Variants in MAGI2 observed in about 807,000 individuals in gnomAD.
The protein encoded by MAGI2 is membrane associated guanylate kinase, WW and PDZ domain containing 2, also known as membrane-associated guanylate kinase, WW and PDZ domain-containing protein 2.
MAGI2 carries 35 observed loss-of-function variants against 133.3 expected under a neutral mutation model. The observed-to-expected ratio is 0.26, with a 90% CI of 0.20 to 0.35. MAGI2 has a LOEUF of 0.35. Among genes scored for constraint, MAGI2 ranks in the 10% least tolerant of loss-of-function variants. The pLI is 1.00. For missense variants in MAGI2, 1,636 were observed against 1,863.4 expected (o/e 0.88, Z 2.25); for synonymous variants, 729 against 710.6 (o/e 1.03, Z -0.41).
In MAGI2 at chr7:79,286,024, C is replaced by A. The variant is rs910483124; in HGVS notation, c.301+166996G>T. On this transcript the variant is annotated intron_variant, in intron 1 of 21. Transcript: ENST00000354212. ...CTACTGGGGAAGATGGTCAATTAAG[C>A]AGAAACTATAAGGCTGATCTGGAAG... Among the ~76,000 whole-genome samples the A allele has an allele frequency of 5.1e-4, 78 of 151,970 alleles. 1 individual carries two copies. The highest frequency in any genetic ancestry group is 5.1e-3 in the Admixed American group (78 of 15,222).
At chr7:78,461,839 A>G (rs533503711) in intron 6 of MAGI2, among the ~76,000 whole-genome samples, 2 of 136,356 alleles carry the variant, frequency 1.5e-5, no homozygotes, top group South Asian at 5.2e-4. Context: ...TGAACCCAGG[A>G]GGCAGAAGTT....
chr7:78,903,262 T>C (rs375279145), intron 2 of MAGI2, among the ~76,000 whole-genome samples: 45 of 132,504 alleles, frequency 3.4e-4, no homozygotes, highest in African/African-American at 7.2e-4. Context: ...GGCGCTGTCT[T>C]GGCTCACCGC....
At chr7:78,733,117 TAC>T (rs1585228268) in intron 2 of MAGI2, among the ~76,000 whole-genome samples, 1 of 152,068 alleles carries the variant, frequency 6.6e-6, no homozygotes, top group Non-Finnish European at 1.5e-5. Flanking sequence ...AAGGAAAAGG[TAC>T]AGAGTACATG....
intron 6 of MAGI2, among the ~76,000 whole-genome samples, chr7:78,455,356 T>C (rs1252504998): frequency 2.0e-5 from 3 of 152,128 alleles, no homozygotes. Flanking sequence ...AAATATTGAT[T>C]CTGTCATTTT....
intron 6 of MAGI2, chr7:78,484,055 A>G (rs1792709732): frequency 6.6e-6 from 1 of 151,970 alleles, no homozygotes. Flanking sequence ...AATTATCAAA[A>G]CAAATTTAAT....
At chr7:78,603,802 T>G (rs1202564872) in intron 3 of MAGI2, among the ~76,000 whole-genome samples, 1 of 152,172 alleles carries the variant, frequency 6.6e-6, no homozygotes, top group African/African-American at 2.4e-5. Context: ...ATTACAGGTG[T>G]GAGTCACCCC....
chr7:79,253,997 CAA>C (rs1833509865), intron 1 of MAGI2, among the ~76,000 whole-genome samples: 1 of 151,502 alleles, frequency 6.6e-6, no homozygotes, highest in African/African-American at 2.4e-5. Flanking sequence ...CAAAACAAAA[CAA>C]AACAAAACAA....
intron 1 of MAGI2, among the ~76,000 whole-genome samples, chr7:79,052,921 G>T (rs562603094): frequency 6.6e-4 from 100 of 152,182 alleles, no homozygotes; most frequent in Non-Finnish European, 4.4e-5. Flanking sequence ...CTTTAATATA[G>T]TTGAAATGAA....
At chr7:78,383,509 T>C (rs1795112359) in intron 6 of MAGI2, among the ~76,000 whole-genome samples, 1 of 152,282 alleles carries the variant, frequency 6.6e-6, no homozygotes, top group East Asian at 1.9e-4. Context: ...ATTGGTACCA[T>C]GTTGGATGAA....
chr7:78,534,017 A>G (rs1797684051), intron 3 of MAGI2, among the ~76,000 whole-genome samples: 1 of 152,202 alleles, frequency 6.6e-6, no homozygotes, highest in South Asian at 2.1e-4. Flanking sequence ...ACATCTAATC[A>G]TCTTGTCATT....
chr7:78,254,971 TG>T (rs1269398147), intron 10 of MAGI2: 1 of 152,282 alleles, frequency 6.6e-6, no homozygotes, highest in African/African-American at 2.4e-5. Flanking sequence ...ACAGATGACA[TG>T]GCTGAGGCTC....
At chr7:78,781,490 A>G (rs890211115) in intron 2 of MAGI2, among the ~76,000 whole-genome samples, 39 of 152,160 alleles carry the variant, frequency 2.6e-4, no homozygotes, top group African/African-American at 8.7e-4. Flanking sequence ...ATGTGCAGAA[A>G]TTTCTCCCCA....
chr7:79,269,542 A>C (rs767783907), intron 1 of MAGI2, among the ~76,000 whole-genome samples: 18 of 152,230 alleles, frequency 1.2e-4, no homozygotes, highest in Non-Finnish European at 2.2e-4. Context: ...ACCTTTTCAA[A>C]ATAAAAATCA....
rs527455254 is a variant in MAGI2 at position 78,387,857 on chromosome 7, C to T, written c.1046-18644G>A. ...GGGAGGAGCGCTTAAGCCCAGGAGG[C>T]GGAGGTTGCAGTGATCCCAGATCAC... On this transcript the variant is annotated intron_variant, in intron 6 of 21. Transcript: ENST00000354212. 6.6e-5 allele frequency among the ~76,000 whole-genome samples: 10 copies of T among 151,966 alleles called. No individual in the cohort carries two copies. The East Asian group carries it at 1.2e-3, about 18-fold the overall frequency.
At chr7:79,274,829 CT>C (rs1334145562) in intron 1 of MAGI2, among the ~76,000 whole-genome samples, 7 of 152,052 alleles carry the variant, frequency 4.6e-5, no homozygotes, top group Non-Finnish European at 7.4e-5. Context: ...ATATTTCAAA[CT>C]TTTTTGTTAT....
chr7:78,069,759 A>C (rs1312973414), intron 21 of MAGI2, among the ~76,000 whole-genome samples: 2 of 152,106 alleles, frequency 1.3e-5, no homozygotes, highest in Non-Finnish European at 2.9e-5. Context: ...TAGTTCTTAC[A>C]GTATTCAGCA....
At chr7:78,341,063 G>A (rs1031711276) in intron 9 of MAGI2, among the ~76,000 whole-genome samples, 4 of 152,120 alleles carry the variant, frequency 2.6e-5, no homozygotes, top group East Asian at 1.9e-4. Context: ...AAACCCCATC[G>A]TCTCAGCCCA....
chr7:78,289,739 C>T (rs1279576110), intron 9 of MAGI2, among the ~76,000 whole-genome samples: 4 of 152,214 alleles, frequency 2.6e-5, no homozygotes, highest in South Asian at 2.1e-4. Flanking sequence ...GGAAGCCCGT[C>T]AGACTAACAG....
chr7:79,222,412 T>A (rs1830507842), intron 1 of MAGI2, among the ~76,000 whole-genome samples: 1 of 152,088 alleles, frequency 6.6e-6, no homozygotes, highest in Non-Finnish European at 1.5e-5. Context: ...AATTATTGAA[T>A]CATCTAGTTG....
Sources: allele counts gnomAD v4.1 joint callset (sites outside exome capture counted in the v4.1 genomes callset), GRCh38; gene constraint gnomAD v4.1.1; transcripts MANE v1.5; gene names NCBI Gene and HGNC (gene_info 2026-07-23, HGNC 2026-07-21).